The following COPE variants were observed in gnomAD, a reference collection of about 807,000 sequenced individuals.
The protein encoded by COPE is coat protein complex I subunit epsilon.
A neutral mutation model predicts 42.1 loss-of-function variants in COPE; 19 were observed. That is an observed-to-expected ratio of 0.45 (90% CI 0.31 to 0.66). The LOEUF (loss-of-function observed/expected upper bound fraction) is 0.66. Ranked by LOEUF, COPE falls within the 30% of genes least tolerant of loss-of-function variation. The pLI is 0.05. For missense variants in COPE, 402 were observed against 416.1 expected, an observed-to-expected ratio of 0.97 and a Z score of 0.30; for synonymous variants, 195 against 181.3, an observed-to-expected ratio of 1.08 and a Z score of -0.60.
At chr19:18,902,519 G>C (rs1418566865) in intron 7 of COPE, among the ~76,000 whole-genome samples, 2 of 150,026 alleles carry the variant, frequency 1.3e-5, no homozygotes, top group African/African-American at 2.5e-5. Context: ...ACAAAAATTA[G>C]CCAGGCGTGG....
At position 18,903,301 on chromosome 19, in the gene COPE, G is replaced by A. The variant is rs143077884; in HGVS notation, c.702C>T (p.Ala234=). The A allele has an allele frequency of 4.3e-5, 69 of 1,607,496 alleles. No homozygotes were observed. Among genetic ancestry groups the A allele is most frequent in the African/African-American group, 3.9e-4 (29 of 74,788 alleles). ...ACHMAQGRWE[A]AEGLLQEALD... ...GCGCCTCCTGCAGCAGGCCCTCAGCGGCCTCCCAGCGGCCCTGGGCCATGT... is the reference window on the plus strand; with the variant it reads ...GCGCCTCCTGCAGCAGGCCCTCAGCAGCCTCCCAGCGGCCCTGGGCCATGT... The change falls in exon 7 of 10, where the codon GCC becomes GCT. Residue 234 remains alanine, a synonymous_variant. Coordinates refer to ENST00000262812, the MANE Select transcript of COPE (RefSeq NM_007263.4).
chr19:18,918,824 G>A (rs2056883271), intron 1 of COPE, among the ~76,000 whole-genome samples: 1 of 152,214 alleles, frequency 6.6e-6, no homozygotes, highest in Admixed American at 6.5e-5. Context: ...AGCTCTGGGA[G>A]AAATAACCAG....
intron 3 of COPE, among the ~76,000 whole-genome samples, chr19:18,909,343 G>C (rs748841499): frequency 6.6e-6 from 1 of 152,224 alleles, no homozygotes; most frequent in Non-Finnish European, 1.5e-5. Flanking sequence ...TCTGGAGGCC[G>C]TAAGTCTGAA....
In COPE at chr19:18,919,276, C is replaced by G; in HGVS notation, c.73G>C (p.Ala25Pro). The part of the protein sequence containing the change: ...EVDELFDVKN[A>P]FYIGSYQQCI... ...TGCTGGTAGCTGCCGATGTAGAAGG[C>G]GTTCTTTACGTCGAACAGCTCGTCT... The change falls in exon 1 of 10, where the codon GCC becomes CCC. Residue 25 changes from alanine (A) to proline (P), a missense_variant. Physicochemically the swap from Ala to Pro is conservative, Grantham distance 27. Coordinates refer to ENST00000262812, the MANE Select transcript of COPE (RefSeq NM_007263.4). 6.2e-7 allele frequency: 1 copy of G among 1,613,970 alleles called. No homozygotes were observed. Among genetic ancestry groups the G allele is most frequent in the Non-Finnish European group, 8.5e-7 (1 of 1,180,016 alleles).
In COPE at chr19:18,919,358, T is replaced by C. The variant is rs1325118951; in HGVS notation, c.-10A>G. 7 of 1,612,878 alleles carry C rather than the reference T, an allele frequency of 4.3e-6. No individual in the cohort carries two copies. In the East Asian group the frequency reaches 6.7e-5, roughly 15 times the overall value. ...GGGCCGGAGGCGCCATTTCGCTGTC[T>C]TCTCACCAGCTCCTCTTCCTGAAAG... On this transcript the variant is annotated 5_prime_UTR_variant, in exon 1 of 10. Coordinates refer to ENST00000262812, the MANE Select transcript of COPE (RefSeq NM_007263.4).
At chr19:18,906,377 T>C (rs1475486867) in intron 4 of COPE, 1 of 168,250 alleles carries the variant, frequency 5.9e-6, no homozygotes, top group Non-Finnish European at 1.3e-5. Context: ...CTAAGCCCTC[T>C]GTGGATGGAG....
intron 7 of COPE, among the ~76,000 whole-genome samples, chr19:18,902,570 C>T (rs1312547503): frequency 6.9e-6 from 1 of 144,310 alleles, no homozygotes; most frequent in African/African-American, 2.6e-5. Flanking sequence ...GAGGCTGAGG[C>T]AAAAGAATCA....
At chr19:18,906,668 G>C (rs960729197) in intron 4 of COPE, 2 of 308,572 alleles carry the variant, frequency 6.5e-6, no homozygotes, top group South Asian at 6.9e-5. Context: ...GGCTTCGTGG[G>C]GGGTGGGGAC....
intron 1 of COPE, among the ~76,000 whole-genome samples, chr19:18,917,233 C>CTTT (rs1224483756): frequency 4.6e-5 from 5 of 108,914 alleles, no homozygotes; most frequent in Admixed American, 2.3e-4. Flanking sequence ...TAGAAACATT[C>CTTT]TTTTTTTCTT....
intron 3 of COPE, among the ~76,000 whole-genome samples, chr19:18,909,452 C>T (rs974840139): frequency 6.6e-6 from 1 of 151,860 alleles, no homozygotes; most frequent in South Asian, 2.1e-4. Context: ...ACTCGTGGTG[C>T]TCCTTGGCTA....
At chr19:18,913,141 C>G in intron 1 of COPE, 95 bp from the exon 2 acceptor site, 4 of 1,110,926 alleles carry the variant, frequency 3.6e-6, no homozygotes, top group Admixed American at 1.8e-5. Context: ...ACACTGGGGA[C>G]AGGTGGCTTC....
Position 18,904,808 on chromosome 19 carries a change from A to T in COPE, c.542T>A (p.Leu181His). The T allele has an allele frequency of 6.4e-7, 1 of 1,555,370 alleles. No individual in the cohort carries two copies. Among genetic ancestry groups the T allele is most frequent in the Non-Finnish European group, 8.7e-7 (1 of 1,149,180 alleles). The change falls in exon 6 of 10, where the codon CTC (leucine) becomes CAC (histidine). Residue 181 changes from leucine to histidine, a missense_variant. Physicochemically the swap from Leu to His is moderately conservative, Grantham distance 99 (BLOSUM62 -3). Coordinates refer to ENST00000262812, the MANE Select transcript of COPE (RefSeq NM_007263.4). ...GACCCAGGCAGTGGCGAGCTGGGTG[A>T]GGGTGGCATCCTCGTCCAGGTCCTG... ...RMQDLDEDAT[L>H]TQLATAWVSL...
rs115881187 is a variant in COPE at position 18,906,852 on chromosome 19, C to T, written c.443+108G>A. On this transcript the variant is annotated intron_variant, in intron 4 of 9. Coordinates refer to ENST00000262812, the MANE Select transcript of COPE (RefSeq NM_007263.4). The stretch of plus-strand genomic sequence containing the variant: ...AGGCCAGGGCCTCATTTCAGCACCA[C>T]CTTTCTCTGCTCCCATGACGACAGC... 3,303 of 1,322,852 alleles carry T rather than the reference C, an allele frequency of 2.5e-3. 59 individuals are homozygous for T. The African/African-American group carries it at 0.042, about 17-fold the overall frequency. 81.9% of individuals were successfully genotyped at this position (1,322,852 alleles called of 1,614,324 possible). A position where few individuals can be genotyped will look rare whatever the true frequency, so the allele number is the denominator to read the frequency against.
chr19:18,904,888 C>G, intron 5 of COPE, 36 bp from the exon 6 acceptor site: 1 of 1,544,636 alleles, frequency 6.5e-7, no homozygotes, highest in Non-Finnish European at 8.8e-7. Context: ...GGCTGAGTGG[C>G]CGAGGGCCCT....
At chr19:18,906,776 G>A (rs939684039) in intron 4 of COPE, 184 bp downstream of exon 4, 43 of 627,186 alleles carry the variant, frequency 6.9e-5, no homozygotes, top group South Asian at 2.3e-4. Flanking sequence ...AGCCTGGTGC[G>A]CAGATGGGAG....
intron 6 of COPE, 53 bp downstream of exon 6, chr19:18,904,718 C>T (rs1421342365): frequency 6.7e-7 from 1 of 1,499,190 alleles, no homozygotes; most frequent in East Asian, 2.5e-5. Context: ...GCCCACAGAC[C>T]CTGCTCAGCC....
At chr19:18,909,702 G>A (rs1030012973) in intron 3 of COPE, among the ~76,000 whole-genome samples, 1 of 151,890 alleles carries the variant, frequency 6.6e-6, no homozygotes, top group Non-Finnish European at 1.5e-5. Context: ...ATAGAAATGG[G>A]GTTTCACCAC....
In COPE at chr19:18,919,330, C is replaced by CG; in HGVS notation, c.18dup (p.Gly7ArgfsTer52). 1 of 1,613,644 alleles carries CG rather than the reference C, an allele frequency of 6.2e-7. No individual in the cohort carries two copies. Among genetic ancestry groups the CG allele is most frequent in the Non-Finnish European group, 8.5e-7 (1 of 1,179,988 alleles). ...TCCCCGGAGCCGCCGGAGGCCGGGCCGGGGGCCGGAGGCGCCATTTCGCTG... is the reference window on the plus strand; with the variant it reads ...TCCCCGGAGCCGCCGGAGGCCGGGCCGGGGGGCCGGAGGCGCCATTTCGCTG... On this transcript the variant is annotated frameshift_variant, in exon 1 of 10. Coordinates refer to ENST00000262812, the MANE Select transcript of COPE (RefSeq NM_007263.4). LOFTEE classifies it high-confidence loss of function.
At position 18,903,232 on chromosome 19, in the gene COPE, C is replaced by T. The variant is rs909276119; in HGVS notation, c.735+36G>A. ...CCCCACCCTCTGGCCGCCTGGCCTT[C>T]CCTCCGTCCCCACTCTGGGACAGGC... On this transcript the variant is annotated intron_variant, in intron 7 of 9. Transcript: ENST00000262812. The T allele has an allele frequency of 6.6e-6, 10 of 1,524,182 alleles. No individual in the cohort carries two copies. The Admixed American group carries it at 1.7e-4, about 26-fold the overall frequency. 94.4% of individuals were successfully genotyped at this position (1,524,182 alleles called of 1,614,324 possible).
Sources: allele counts gnomAD v4.1 joint callset (sites outside exome capture counted in the v4.1 genomes callset), GRCh38; gene constraint gnomAD v4.1.1; transcripts MANE v1.5; gene names NCBI Gene and HGNC (gene_info 2026-07-23, HGNC 2026-07-21).